HDGFL3: variants seen among roughly 807,000 people sequenced by gnomAD.
The protein encoded by HDGFL3 is hepatoma-derived growth factor-related protein 3.
Under a neutral mutation model 27.6 loss-of-function variants are expected in HDGFL3, and 6 were observed. The observed-to-expected ratio is 0.22, with a 90% CI of 0.12 to 0.43. The LOEUF is 0.43. Among genes scored for constraint, HDGFL3 ranks in the 20% least tolerant of loss-of-function variants. HDGFL3 has a pLI of 1.00. For missense variants in HDGFL3, 207 were observed against 250.1 expected (o/e 0.83, Z 1.16); for synonymous variants, 88 against 88.9 (o/e 0.99, Z 0.05).
chr15:83,122,452 T>G (rs924605453), intron 3 of HDGFL3, among the ~76,000 whole-genome samples: 1 of 152,176 alleles, frequency 6.6e-6, no homozygotes, highest in African/African-American at 2.4e-5. Flanking sequence ...CAAACATATA[T>G]AGATACCTAT....
In HDGFL3 at chr15:83,163,746, A is replaced by C. The variant is rs572622405; in HGVS notation, c.161+253T>G. 5.3e-5 allele frequency: 24 copies of C among 452,666 alleles called. No homozygotes were observed. The South Asian group carries it at 5.8e-4, about 11-fold the overall frequency. 28.0% of individuals were successfully genotyped at this position (452,666 alleles called of 1,614,324 possible). A position where few individuals can be genotyped will look rare whatever the true frequency, so the allele number is the denominator to read the frequency against. ...ACTCTAGGACTTAAAAGTGTCCTAG[A>C]GGAGACTTGTGGGTGATGACCAACA... On this transcript the variant is annotated intron_variant, in intron 2 of 5. Transcript: ENST00000299633.
downstream of HDGFL3, chr15:83,127,655 A>G (rs1446847550): frequency 3.2e-6 from 2 of 619,316 alleles, no homozygotes; most frequent in Non-Finnish European, 5.6e-6. Context: ...CAATCTCACA[A>G]TAACTATATG....
chr15:83,132,288 G>C lies in HDGFL3; in HGVS notation c.*6982C>G, dbSNP rs1033187661. ...ATGTTGTTCCGAAGATTAACCTGAAGACAAACTAATTAAATTAAGTGTATT... is the reference window on the plus strand; with the variant it reads ...ATGTTGTTCCGAAGATTAACCTGAACACAAACTAATTAAATTAAGTGTATT... On this transcript the variant is annotated 3_prime_UTR_variant, in exon 6 of 6. Coordinates refer to ENST00000299633, the MANE Select transcript of HDGFL3 (RefSeq NM_016073.4). The C allele has an allele frequency of 1.3e-5, 2 of 152,166 alleles. No homozygotes were observed. The highest frequency in any genetic ancestry group is 4.8e-5 in the African/African-American group (2 of 41,426). 9.4% of individuals were successfully genotyped at this position (152,166 alleles called of 1,614,324 possible). A position where few individuals can be genotyped will look rare whatever the true frequency, so the allele number is the denominator to read the frequency against.
rs2036671329 is a variant in HDGFL3 at position 83,137,372 on chromosome 15, T to G, written c.*1898A>C. ...TTTTGGCCTCTTATAAAGACAAATCTTATTAAATTTGAAACATTTCATATA... is the reference window on the plus strand; with the variant it reads ...TTTTGGCCTCTTATAAAGACAAATCGTATTAAATTTGAAACATTTCATATA... On this transcript the variant is annotated 3_prime_UTR_variant, in exon 6 of 6. Transcript: ENST00000299633. 1 of 152,178 alleles carries G rather than the reference T, an allele frequency of 6.6e-6. No homozygotes were observed. Among genetic ancestry groups the G allele is most frequent in the Non-Finnish European group, 1.5e-5 (1 of 68,004 alleles). The allele number at this position is 152,178 out of a possible 1,614,324, so 9.4% of individuals were successfully genotyped here.
At position 83,133,537 on chromosome 15, in the gene HDGFL3, T is replaced by C. The variant is rs780335601; in HGVS notation, c.*5733A>G. On this transcript the variant is annotated 3_prime_UTR_variant, in exon 6 of 6. Transcript: ENST00000299633. ...TCTGTAAGGTGAAAATGATTTAGAATGAAGTGGAAGAAAAATTATTAGGGA... is the reference window on the plus strand; with the variant it reads ...TCTGTAAGGTGAAAATGATTTAGAACGAAGTGGAAGAAAAATTATTAGGGA... 4.6e-5 allele frequency: 7 copies of C among 152,344 alleles called. No individual in the cohort carries two copies. The East Asian group carries it at 7.7e-4, about 17-fold the overall frequency. 9.4% of individuals were successfully genotyped at this position (152,344 alleles called of 1,614,324 possible).
chr15:83,127,393 T>C (rs1019036802), downstream of HDGFL3: 11 of 1,614,024 alleles, frequency 6.8e-6, no homozygotes, highest in Non-Finnish European at 8.5e-6. Context: ...TTCCTTACTT[T>C]GTGACTGCAC....
intron 5 of HDGFL3, among the ~76,000 whole-genome samples, chr15:83,149,346 A>C (rs746199788): frequency 2.0e-5 from 3 of 152,238 alleles, no homozygotes; most frequent in Non-Finnish European, 2.9e-5. Context: ...TGAATCTACA[A>C]TGCATAGGAT....
chr15:83,147,655 A>G (rs1407607426), intron 5 of HDGFL3, among the ~76,000 whole-genome samples: 1 of 152,206 alleles, frequency 6.6e-6, no homozygotes, highest in East Asian at 1.9e-4. Flanking sequence ...CTATGAATAT[A>G]CGACAGATGC....
intron 1 of HDGFL3, among the ~76,000 whole-genome samples, chr15:83,202,843 C>G (rs1054507232): frequency 2.0e-5 from 3 of 152,012 alleles, no homozygotes; most frequent in Non-Finnish European, 4.4e-5. Context: ...TAATTTATTC[C>G]TTTTTATTGT....
At position 83,135,173 on chromosome 15, in the gene HDGFL3, A is replaced by T. The variant is rs2036527939; in HGVS notation, c.*4097T>A. ...CTCCAGAATATATCAGGAATTTGTA[A>T]AAATGCAGCCCATTAAAATATCTGC... On this transcript the variant is annotated 3_prime_UTR_variant, in exon 6 of 6. Coordinates refer to ENST00000299633, the MANE Select transcript of HDGFL3 (RefSeq NM_016073.4). 6.6e-6 allele frequency: 1 copy of T among 152,254 alleles called. No individual in the cohort carries two copies. The highest frequency in any genetic ancestry group is 1.5e-5 in the Non-Finnish European group (1 of 68,042). The allele number at this position is 152,254 out of a possible 1,614,324, so 9.4% of individuals were successfully genotyped here.
At position 83,169,509 on chromosome 15, in the gene HDGFL3, T is replaced by C. The variant is rs184885402; in HGVS notation, c.85-5434A>G. 6.0e-5 allele frequency among the ~76,000 whole-genome samples: 9 copies of C among 149,072 alleles called. No homozygotes were observed. In the East Asian group the frequency reaches 1.8e-3, roughly 30 times the overall value. On this transcript the variant is annotated intron_variant, in intron 1 of 5. Transcript: ENST00000299633. Reference sequence around the variant, plus strand: ...TTCGCTGATGATAGAGTCTGTATCTTAAAAACCCTAGGCCAGGCACGGTGG... The same window carrying C: ...TTCGCTGATGATAGAGTCTGTATCTCAAAAACCCTAGGCCAGGCACGGTGG...
At chr15:83,163,051 A>G (rs2037120471) in intron 2 of HDGFL3, among the ~76,000 whole-genome samples, 1 of 152,140 alleles carries the variant, frequency 6.6e-6, no homozygotes. Flanking sequence ...CCTTGTAGCT[A>G]GATGTGGCCA....
chr15:83,127,416 T>A, downstream of HDGFL3: 1 of 1,614,052 alleles, frequency 6.2e-7, no homozygotes, highest in Non-Finnish European at 8.5e-7. Flanking sequence ...TATGGCTTAG[T>A]GGTTCCTGGA....
chr15:83,121,792 C>T (rs1034943752), intron 3 of HDGFL3: 1 of 692,652 alleles, frequency 1.4e-6, no homozygotes. Flanking sequence ...ATTTATTCCT[C>T]TCAATTCAAT....
downstream of HDGFL3, chr15:83,127,631 A>G: frequency 1.3e-6 from 1 of 759,766 alleles, no homozygotes; most frequent in Non-Finnish European, 2.2e-6. Context: ...CATTTCTGCA[A>G]GTACATTTTA....
rs1296672413 is a variant in HDGFL3 at position 83,128,234 on chromosome 15, T to C, written c.*11036A>G. 1 of 152,254 alleles carries C rather than the reference T, an allele frequency of 6.6e-6. No homozygotes were observed. The highest frequency in any genetic ancestry group is 1.5e-5 in the Non-Finnish European group (1 of 68,052). 9.4% of individuals were successfully genotyped at this position (152,254 alleles called of 1,614,324 possible). ...AACTGTAGGCTTGTACAGTCAATTATATGCATGGTATAATAATCATGATCG... is the reference window on the plus strand; with the variant it reads ...AACTGTAGGCTTGTACAGTCAATTACATGCATGGTATAATAATCATGATCG... On this transcript the variant is annotated 3_prime_UTR_variant, in exon 6 of 6. Coordinates refer to ENST00000299633, the MANE Select transcript of HDGFL3 (RefSeq NM_016073.4).
intron 1 of HDGFL3, among the ~76,000 whole-genome samples, chr15:83,205,054 G>C (rs1330527593): frequency 6.6e-6 from 1 of 152,182 alleles, no homozygotes; most frequent in Non-Finnish European, 1.5e-5. Flanking sequence ...GCGCCCCACA[G>C]TATCTAATGC....
chr15:83,164,101 A>G, intron 1 of HDGFL3, 26 bp from the exon 2 acceptor site: 1 of 1,410,340 alleles, frequency 7.1e-7, no homozygotes, highest in Non-Finnish European at 9.8e-7. Context: ...TTAGTTACTG[A>G]GTGAGTGGTT....
intron 4 of HDGFL3, among the ~76,000 whole-genome samples, chr15:83,153,221 C>T (rs765668222): frequency 1.3e-5 from 2 of 151,804 alleles, no homozygotes; most frequent in African/African-American, 2.4e-5. Context: ...AGGATGGTCT[C>T]GTTAGCCAGG....
Sources: gnomAD v4.1 joint callset for allele counts (sites outside exome capture counted in the v4.1 genomes callset) on GRCh38, gnomAD v4.1.1 for gene constraint, MANE v1.5 for transcripts, NCBI Gene and HGNC (gene_info 2026-07-23, HGNC 2026-07-21) for gene names.